Variants in SLCO2A1 observed in about 807,000 individuals in gnomAD.
The protein encoded by SLCO2A1 is solute carrier organic anion transporter family member 2A1.
SLCO2A1 carries 60 observed loss-of-function variants against 71.7 expected under a neutral mutation model. The observed-to-expected ratio is 0.84, with a 90% confidence interval of 0.68 to 1.04. The LOEUF is 1.04. SLCO2A1 is among the 50% of genes least tolerant of loss of function. The probability of loss-of-function intolerance (pLI) is 0.00; values close to 1 mark genes in which losing one functional copy is unlikely to be tolerated. For synonymous variants in SLCO2A1, 308 were observed against 326.7 expected, an observed-to-expected ratio of 0.94 and a Z score of 0.62; for missense variants, 745 against 813.4, an observed-to-expected ratio of 0.92 and a Z score of 1.02.
intron 1 of SLCO2A1, among the ~76,000 whole-genome samples, chr3:134,023,926 T>C (rs1935647108): frequency 6.6e-6 from 1 of 152,156 alleles, no homozygotes; most frequent in South Asian, 2.1e-4. Flanking sequence ...CTCTGCTATA[T>C]CCCAAAGTCT....
rs1346693086 is a variant in SLCO2A1 at position 133,985,192 on chromosome 3, C to T, written c.97-5574G>A. ...GCTTAAGATGCTCTAGGCCAAACAACTCCCTGGAGAAAACAAATTGGAAAA... is the reference window on the plus strand; with the variant it reads ...GCTTAAGATGCTCTAGGCCAAACAATTCCCTGGAGAAAACAAATTGGAAAA... On this transcript the variant is annotated intron_variant, in intron 1 of 13. Transcript: ENST00000310926. 2.0e-5 allele frequency among the ~76,000 whole-genome samples: 3 copies of T among 152,234 alleles called. No individual in the cohort carries two copies. The East Asian group carries it at 5.8e-4, about 29-fold the overall frequency.
intron 1 of SLCO2A1, among the ~76,000 whole-genome samples, chr3:133,980,868 AC>A (rs1934572591): frequency 6.6e-6 from 1 of 151,826 alleles, no homozygotes. Flanking sequence ...CACCCACAAA[AC>A]CAGACACCTC....
intron 1 of SLCO2A1, among the ~76,000 whole-genome samples, chr3:133,983,297 C>A (rs537386557): frequency 2.4e-4 from 36 of 152,276 alleles, no homozygotes; most frequent in African/African-American, 8.7e-4. Context: ...ACGGATAACT[C>A]GGTTCAGATT....
rs553003348 is a variant in SLCO2A1 at position 133,978,393 on chromosome 3, GC to G, written c.234+1087del. Among the ~76,000 whole-genome samples the G allele has an allele frequency of 1.5e-4, 23 of 152,246 alleles. No individual in the cohort carries two copies. The South Asian group carries it at 2.7e-3, about 18-fold the overall frequency. On this transcript the variant is annotated intron_variant, in intron 2 of 13. Coordinates refer to ENST00000310926, the MANE Select transcript of SLCO2A1 (RefSeq NM_005630.3). ...TCTGAGAAACACGACTGTGAAGAGT[GC>G]CTCCCTCCTAGGACCGTAGAAGGGA...
At chr3:133,967,565 T>A (rs1934210532) in intron 3 of SLCO2A1, among the ~76,000 whole-genome samples, 1 of 152,226 alleles carries the variant, frequency 6.6e-6, no homozygotes, top group South Asian at 2.1e-4. Flanking sequence ...GTTCTGCTCA[T>A]CCGTTCAGGG....
chr3:133,935,635 G>T, intron 13 of SLCO2A1, 139 bp downstream of exon 13: 1 of 972,370 alleles, frequency 1.0e-6, no homozygotes, highest in Non-Finnish European at 1.4e-6. Flanking sequence ...CCCTGTCCAT[G>T]GCAGGGCCGC....
intron 1 of SLCO2A1, among the ~76,000 whole-genome samples, chr3:133,979,898 C>G (rs1465730374): frequency 6.6e-6 from 1 of 152,182 alleles, no homozygotes; most frequent in Non-Finnish European, 1.5e-5. Context: ...GAAGATATGA[C>G]AGGGTTGGGG....
Position 133,945,197 on chromosome 3 carries a change from AGAATCT to A in SLCO2A1, c.1353_1358del (p.Asp452_Ser453del), listed in dbSNP as rs1414068248. On this transcript the variant is annotated inframe_deletion, in exon 10 of 14. Transcript: ENST00000310926. ...TGTCTCCACAGACCGGGTGGAAGATAGAATCTGGGCACGAGCAGTCCCTGCGGCAGG... is the reference window on the plus strand; with the variant it reads ...TGTCTCCACAGACCGGGTGGAAGATAGGGCACGAGCAGTCCCTGCGGCAGG... 1 of 1,614,210 alleles carries A rather than the reference AGAATCT, an allele frequency of 6.2e-7. No homozygotes were observed. The highest frequency in any genetic ancestry group is 1.1e-5 in the South Asian group (1 of 91,084).
intron 9 of SLCO2A1, 49 bp downstream of exon 9, chr3:133,947,207 A>G: frequency 6.8e-7 from 1 of 1,479,228 alleles, no homozygotes; most frequent in African/African-American, 1.4e-5. Flanking sequence ...AGCCAGATCT[A>G]AGCCCTGGCC....
At chr3:133,945,458 C>A (rs556472554) in intron 9 of SLCO2A1, among the ~76,000 whole-genome samples, 198 bp from the exon 10 acceptor site, 3 of 152,306 alleles carry the variant, frequency 2.0e-5, no homozygotes, top group African/African-American at 7.2e-5. Context: ...GTCACGGCAT[C>A]TCTCCATTTC....
At chr3:133,962,252 G>A (rs564107924) in intron 3 of SLCO2A1, among the ~76,000 whole-genome samples, 3 of 152,064 alleles carry the variant, frequency 2.0e-5, no homozygotes, top group African/African-American at 7.2e-5. Flanking sequence ...GCAAATTTTT[G>A]TATTTTTAGT....
intron 1 of SLCO2A1, among the ~76,000 whole-genome samples, chr3:134,011,697 G>A (rs762024287): frequency 6.6e-6 from 1 of 152,208 alleles, no homozygotes; most frequent in Non-Finnish European, 1.5e-5. Flanking sequence ...TGCCCTGTGT[G>A]AGGGGTCTCT....
intron 1 of SLCO2A1, among the ~76,000 whole-genome samples, chr3:134,025,032 T>C (rs1464136993): frequency 2.0e-5 from 3 of 151,508 alleles, no homozygotes; most frequent in African/African-American, 7.3e-5. Flanking sequence ...CCCTGCAAAG[T>C]GACTCTGAAG....
chr3:133,986,651 G>C (rs1474316202), intron 1 of SLCO2A1, among the ~76,000 whole-genome samples: 3 of 152,220 alleles, frequency 2.0e-5, no homozygotes, highest in Non-Finnish European at 2.9e-5. Context: ...TTAATAAAGA[G>C]AGAACTTTTT....
intron 9 of SLCO2A1, among the ~76,000 whole-genome samples, chr3:133,946,495 A>G (rs1398987401): frequency 4.6e-5 from 7 of 152,022 alleles, no homozygotes; most frequent in African/African-American, 1.7e-4. Flanking sequence ...CCTTCTCCTC[A>G]CCTGCCCTAA....
intron 1 of SLCO2A1, among the ~76,000 whole-genome samples, chr3:133,979,956 T>A (rs752596290): frequency 1.6e-4 from 24 of 152,022 alleles, no homozygotes; most frequent in Non-Finnish European, 3.5e-4. Flanking sequence ...GCATCTTGGA[T>A]TATTCCCCAA....
rs529746997 is a variant in SLCO2A1 at position 133,965,137 on chromosome 3, A to C, written c.397+8526T>G. ...AAGCTCTTTAAAGGGGGAAAAAAAA[A>C]CCGTTAGCGGAGCCAACATGAGCTC... On this transcript the variant is annotated intron_variant, in intron 3 of 13. Transcript: ENST00000310926. Among the ~76,000 whole-genome samples, 12 of 152,280 alleles carry C rather than the reference A, an allele frequency of 7.9e-5. No individual in the cohort carries two copies. In the South Asian group the frequency reaches 1.0e-3, roughly 13 times the overall value.
At chr3:134,004,482 G>A (rs1055776210) in intron 1 of SLCO2A1, among the ~76,000 whole-genome samples, 1 of 152,106 alleles carries the variant, frequency 6.6e-6, no homozygotes, top group African/African-American at 2.4e-5. Flanking sequence ...CTACAGTCGT[G>A]CCCCACCATG....
chr3:133,954,111 GGTCTGGAGTA>G (rs1352533051), intron 4 of SLCO2A1, among the ~76,000 whole-genome samples: 4 of 150,936 alleles, frequency 2.7e-5, no homozygotes, highest in Non-Finnish European at 5.9e-5. Flanking sequence ...TGGTCTGTGT[GGTCTGGAGTA>G]TAGGCCCTGA....
Sources: allele counts gnomAD v4.1 joint callset (sites outside exome capture counted in the v4.1 genomes callset), GRCh38; gene constraint gnomAD v4.1.1; transcripts MANE v1.5; gene names NCBI Gene and HGNC (gene_info 2026-07-23, HGNC 2026-07-21).